Variants in NCAN observed in about 807,000 individuals in gnomAD.
NCAN encodes neurocan.
A neutral mutation model predicts 121.8 loss-of-function variants in NCAN; 47 were observed. That is an observed-to-expected ratio of 0.39 (90% CI 0.31 to 0.49). The LOEUF (loss-of-function observed/expected upper bound fraction) is 0.49. NCAN is among the 20% of genes least tolerant of loss of function. The probability of loss-of-function intolerance (pLI) is 0.92; values close to 1 mark genes in which losing one functional copy is unlikely to be tolerated. For synonymous variants in NCAN, 633 were observed against 702.0 expected (o/e 0.90, Z 1.55); for missense variants, 1,517 against 1,773.4 (o/e 0.86, Z 2.60).
intron 10 of NCAN, among the ~76,000 whole-genome samples, chr19:19,237,359 C>G (rs184820037): frequency 7.9e-5 from 12 of 151,942 alleles, no homozygotes; most frequent in African/African-American, 2.4e-4. Context: ...CATGGCGACA[C>G]GTGCCTGTAA....
intron 13 of NCAN, among the ~76,000 whole-genome samples, chr19:19,247,018 C>T (rs930534631): frequency 1.3e-5 from 2 of 152,002 alleles, no homozygotes; most frequent in African/African-American, 4.8e-5. Flanking sequence ...TTATTTTATA[C>T]TTTGGTTTAT....
Position 19,249,849 on chromosome 19 carries a change from C to A in NCAN, c.3904C>A (p.Arg1302Ser). 6.2e-7 allele frequency: 1 copy of A among 1,614,072 alleles called. No individual in the cohort carries two copies. Among genetic ancestry groups the A allele is most frequent in the Non-Finnish European group, 8.5e-7 (1 of 1,180,022 alleles). ...TCACCACCACAAATCCCGCAAGGAG[C>A]GCAGAAAACACAAGAAACACCCAAC... ...QHHHHKSRKE[R>S]RKHKKHPTED... Residue 1302 changes from arginine to serine, a missense_variant, in exon 15 of 15, where the codon CGC becomes AGC. Physicochemically the swap from Arg to Ser is moderately radical, Grantham distance 110 (BLOSUM62 -1). Coordinates refer to ENST00000252575, the MANE Select transcript of NCAN (RefSeq NM_004386.3).
intron 1 of NCAN, among the ~76,000 whole-genome samples, chr19:19,216,300 C>G (rs1290476420): frequency 6.6e-6 from 1 of 151,808 alleles, no homozygotes; most frequent in East Asian, 1.9e-4. Flanking sequence ...AGGTGTGCGC[C>G]ACCAAGCCCA....
chr19:19,219,727 T>C lies in NCAN; in HGVS notation c.475+411T>C, dbSNP rs567930805. Among the ~76,000 whole-genome samples the C allele has an allele frequency of 1.5e-4, 22 of 149,450 alleles. No homozygotes were observed. In the South Asian group the frequency reaches 4.3e-3, roughly 29 times the overall value. ...TCACTCTCTGAACCGGGATTCCCTT[T>C]GAATTCTTCTGATAAAGTCCTAAAG... On this transcript the variant is annotated intron_variant, in intron 3 of 14. Coordinates refer to ENST00000252575, the MANE Select transcript of NCAN (RefSeq NM_004386.3).
At position 19,224,213 on chromosome 19, in the gene NCAN, G is replaced by A; in HGVS notation, c.650+18G>A. 7 of 1,587,418 alleles carry A rather than the reference G, an allele frequency of 4.4e-6. No homozygotes were observed. Among genetic ancestry groups the A allele is most frequent in the Non-Finnish European group, 6.0e-6 (7 of 1,161,188 alleles). On this transcript the variant is annotated intron_variant, in intron 4 of 14. Transcript: ENST00000252575. ...ACTGTTCGGTGAGGGGGATACACAG[G>A]GCAGGGAGATGAAGACTAGCTCATG...
At chr19:19,247,138 A>T (rs2060927178) in intron 13 of NCAN, among the ~76,000 whole-genome samples, 1 of 152,100 alleles carries the variant, frequency 6.6e-6, no homozygotes, top group Non-Finnish European at 1.5e-5. Context: ...GCTGGAGTAC[A>T]GTGGCATTAT....
intron 8 of NCAN, among the ~76,000 whole-genome samples, chr19:19,231,618 G>T (rs773689823): frequency 1.1e-4 from 17 of 152,028 alleles, no homozygotes; most frequent in Admixed American, 2.0e-4. Flanking sequence ...GTGAGCCACC[G>T]CACCTGGCCG....
intron 3 of NCAN, among the ~76,000 whole-genome samples, chr19:19,220,244 G>A (rs1266562397): frequency 6.6e-6 from 1 of 151,338 alleles, no homozygotes; most frequent in Non-Finnish European, 1.5e-5. Context: ...GTCTAGGCAG[G>A]ATTTTACTTG....
chr19:19,219,553 G>A (rs571525802), intron 3 of NCAN, among the ~76,000 whole-genome samples: 3 of 151,706 alleles, frequency 2.0e-5, no homozygotes, highest in Non-Finnish European at 2.9e-5. Flanking sequence ...AAATTAGCCA[G>A]GCATGGTGGC....
chr19:19,227,714 TGAGTCCCCCA>T lies in NCAN; in HGVS notation c.2096_2105del (p.Glu699GlyfsTer29). ...GTGGAGAGGCCATGCCCACAACACC[TGAGTCCCCCA>T]GGGCAGACTTCAGAGAAACTGGGGA... On this transcript the variant is annotated frameshift_variant, in exon 8 of 15. Coordinates refer to ENST00000252575, the MANE Select transcript of NCAN (RefSeq NM_004386.3). LOFTEE classifies it high-confidence loss of function. The surrounding 1 kb of genome is among the most constrained non-coding windows in gnomAD (Gnocchi z 4.2). 1 of 1,613,952 alleles carries T rather than the reference TGAGTCCCCCA, an allele frequency of 6.2e-7. No homozygotes were observed. Among genetic ancestry groups the T allele is most frequent in the Non-Finnish European group, 8.5e-7 (1 of 1,180,026 alleles).
At chr19:19,228,676 A>G (rs1355321452) in intron 8 of NCAN, 37 bp downstream of exon 8, 3 of 1,566,076 alleles carry the variant, frequency 1.9e-6, no homozygotes, top group Middle Eastern at 2.2e-4. Flanking sequence ...CCAGCTCTCC[A>G]TGGTCAGGGC....
intron 2 of NCAN, among the ~76,000 whole-genome samples, chr19:19,218,550 G>A (rs1035202266): frequency 4.0e-5 from 6 of 151,600 alleles, no homozygotes; most frequent in South Asian, 4.2e-4. Flanking sequence ...TTGGCTCACC[G>A]CAACCTCTGC....
chr19:19,249,069 G>A, intron 14 of NCAN, 187 bp downstream of exon 14: 4 of 609,400 alleles, frequency 6.6e-6, no homozygotes, highest in Non-Finnish European at 5.7e-6. Context: ...GTGTGTGTGT[G>A]TGTGTGTGTG....
rs2060846386 is a variant in NCAN at position 19,228,472 on chromosome 19, T to A, written c.2852T>A (p.Val951Glu). ...TCAGTTTCCTCAGGGGAGCCTACGG[T>A]ACCGTGGGACCCCTCCAGCACCCTG... ...SASVSSGEPT[V>E]PWDPSSTLLP... The change falls in exon 8 of 15, where the codon GTA becomes GAA. Residue 951 changes from valine to glutamate, a missense_variant. By Grantham distance (121) the Val-to-Glu change is moderately radical. Coordinates refer to ENST00000252575, the MANE Select transcript of NCAN (RefSeq NM_004386.3). 1 of 1,613,542 alleles carries A rather than the reference T, an allele frequency of 6.2e-7. No individual in the cohort carries two copies. The highest frequency in any genetic ancestry group is 2.2e-5 in the East Asian group (1 of 44,886).
At chr19:19,242,790 A>C (rs926433485) in intron 12 of NCAN, among the ~76,000 whole-genome samples, 5 of 152,208 alleles carry the variant, frequency 3.3e-5, no homozygotes, top group African/African-American at 1.2e-4. Context: ...CAACAGATGA[A>C]GGAAGAGACA....
chr19:19,227,210 C>T lies in NCAN; in HGVS notation c.1661-71C>T. On this transcript the variant is annotated intron_variant, in intron 7 of 14. Transcript: ENST00000252575. This position sits in a 1 kb window ranked among gnomAD's most constrained non-coding sequence, Gnocchi z 4.2. ...CCTCTGGCCCCAGAAGCCCCCTCTC[C>T]CTTGGGCCTGGAGTCCAACCAAAGG... 4 of 1,502,650 alleles carry T rather than the reference C, an allele frequency of 2.7e-6. No homozygotes were observed. The South Asian group carries it at 5.4e-5, about 20-fold the overall frequency. 93.1% of individuals were successfully genotyped at this position (1,502,650 alleles called of 1,614,324 possible).
At chr19:19,219,672 C>CAAAAAA (rs56231208) in intron 3 of NCAN, among the ~76,000 whole-genome samples, 12,231 of 49,042 alleles carry the variant, frequency 0.25, 2,765 homozygotes, top group East Asian at 0.34. Context: ...GACCCTGTCA[C>CAAAAAA]AAAAAAAAAA....
rs1183296283 is a variant in NCAN at position 19,225,889 on chromosome 19, G to T, written c.1073-597G>T. Among the ~76,000 whole-genome samples the T allele has an allele frequency of 6.6e-6, 1 of 152,210 alleles. No homozygotes were observed. The highest frequency in any genetic ancestry group is 1.5e-5 in the Non-Finnish European group (1 of 68,028). The stretch of plus-strand genomic sequence containing the variant: ...AACAGGCAGACCCAAGTTCATGAGA[G>T]TTGGACACTACCTGAGCTTTGCCCA... On this transcript the variant is annotated intron_variant, in intron 6 of 14. Coordinates refer to ENST00000252575, the MANE Select transcript of NCAN (RefSeq NM_004386.3). The surrounding 1 kb of genome is among the most constrained non-coding windows in gnomAD (Gnocchi z 4.0).
chr19:19,223,930 G>C (rs949561719), intron 3 of NCAN, 91 bp from the exon 4 acceptor site: 166 of 1,320,948 alleles, frequency 1.3e-4, no homozygotes, highest in Non-Finnish European at 1.7e-4. Flanking sequence ...TTATCAGACA[G>C]GGGTGGGGAG....
Sources: allele counts gnomAD v4.1 joint callset (sites outside exome capture counted in the v4.1 genomes callset), GRCh38; gene constraint gnomAD v4.1.1; non-coding constraint Gnocchi (gnomAD v3.1); transcripts MANE v1.5; gene names NCBI Gene and HGNC (gene_info 2026-07-23, HGNC 2026-07-21).